POU6F2: variants seen among roughly 807,000 people sequenced by gnomAD.
The protein encoded by POU6F2 is POU class 6 homeobox 2.
In POU6F2, 31 loss-of-function variants were observed where a neutral mutation model predicts 71.3. That is an observed-to-expected ratio of 0.43 (90% CI 0.33 to 0.59). The LOEUF (loss-of-function observed/expected upper bound fraction) is 0.59, where lower values mean the gene tolerates loss of function less well. Among genes scored for constraint, POU6F2 ranks in the 20% least tolerant of loss-of-function variants. The pLI is 0.04. For missense variants in POU6F2, 783 were observed against 856.8 expected (o/e 0.91, Z 1.07); for synonymous variants, 347 against 355.7 (o/e 0.98, Z 0.27).
At chr7:39,043,039 T>C (rs945444695) in intron 1 of POU6F2, among the ~76,000 whole-genome samples, 2 of 151,944 alleles carry the variant, frequency 1.3e-5, no homozygotes, top group Non-Finnish European at 2.9e-5. Flanking sequence ...TCTCTGTAAG[T>C]TGGATCCCAG....
intron 4 of POU6F2, among the ~76,000 whole-genome samples, chr7:39,237,505 C>T (rs905658059): frequency 3.3e-5 from 5 of 152,150 alleles, no homozygotes; most frequent in African/African-American, 4.8e-5. Flanking sequence ...CTAACAATTA[C>T]GTGTTCGCTG....
chr7:39,434,208 C>G (rs1444776485), intron 7 of POU6F2, among the ~76,000 whole-genome samples: 1 of 152,062 alleles, frequency 6.6e-6, no homozygotes, highest in Non-Finnish European at 1.5e-5. Flanking sequence ...GAGGGAACAG[C>G]AGGCACAAAG....
chr7:39,425,795 C>T (rs1175372309), intron 6 of POU6F2, among the ~76,000 whole-genome samples: 2 of 152,136 alleles, frequency 1.3e-5, no homozygotes, highest in Admixed American at 6.6e-5. Context: ...TCCTGATGCT[C>T]ATTATGACTC....
chr7:39,017,764 T>C (rs1050462395), intron 1 of POU6F2, among the ~76,000 whole-genome samples: 7 of 151,970 alleles, frequency 4.6e-5, no homozygotes, highest in Non-Finnish European at 1.0e-4. Flanking sequence ...GACTCCTTTA[T>C]ATAAAACATT....
At chr7:39,141,019 G>A (rs918310770) in intron 2 of POU6F2, among the ~76,000 whole-genome samples, 1 of 152,080 alleles carries the variant, frequency 6.6e-6, no homozygotes, top group African/African-American at 2.4e-5. Flanking sequence ...GCAGCTTGTG[G>A]CCAGTCTTAA....
chr7:39,058,618 A>G (rs1790585761), intron 1 of POU6F2, among the ~76,000 whole-genome samples: 2 of 152,224 alleles, frequency 1.3e-5, no homozygotes, highest in Non-Finnish European at 2.9e-5. Context: ...GACATTGGAG[A>G]TGAAGAATCT....
chr7:39,209,605 G>T (rs550712042), intron 4 of POU6F2, among the ~76,000 whole-genome samples: 7 of 152,126 alleles, frequency 4.6e-5, no homozygotes, highest in Non-Finnish European at 2.9e-5. Context: ...GAAGTTCAAG[G>T]GCAATAAGGA....
intron 2 of POU6F2, among the ~76,000 whole-genome samples, chr7:39,091,147 A>G (rs1463044289): frequency 6.6e-6 from 1 of 152,208 alleles, no homozygotes; most frequent in Non-Finnish European, 1.5e-5. Flanking sequence ...TTCATTTGTA[A>G]GCTTTGAAAT....
chr7:39,256,224 A>G lies in POU6F2; in HGVS notation c.598+48604A>G, dbSNP rs560961401. Among the ~76,000 whole-genome samples the G allele has an allele frequency of 2.7e-3, 413 of 151,656 alleles. 2 individuals are homozygous for G. The highest frequency in any genetic ancestry group is 9.2e-3 in the African/African-American group (382 of 41,312). On this transcript the variant is annotated intron_variant, in intron 4 of 9. Coordinates refer to ENST00000518318, the MANE Select transcript of POU6F2 (RefSeq NM_001370959.1). ...TATATGTATGCATCTACTTCCTTTC[A>G]TAAAGCATGTGACCTTGCACACAGC...
intron 2 of POU6F2, among the ~76,000 whole-genome samples, chr7:39,133,903 C>G (rs117310604): frequency 0.037 from 5,604 of 152,226 alleles, 146 homozygotes; most frequent in Admixed American, 0.091. Context: ...TTTAGACCGT[C>G]TCGCCCCATT....
chr7:39,461,332 A>G (rs1246237164), intron 9 of POU6F2, among the ~76,000 whole-genome samples: 2 of 152,222 alleles, frequency 1.3e-5, no homozygotes, highest in African/African-American at 4.8e-5. Flanking sequence ...AATTAAATAA[A>G]TGAATAACAG....
At chr7:39,421,273 T>C (rs1787845012) in intron 6 of POU6F2, among the ~76,000 whole-genome samples, 1 of 152,142 alleles carries the variant, frequency 6.6e-6, no homozygotes, top group Non-Finnish European at 1.5e-5. Flanking sequence ...AAAAGTAATA[T>C]ATGTTTGAGT....
At chr7:38,998,412 G>A (rs115454211) in intron 1 of POU6F2, among the ~76,000 whole-genome samples, 113 of 152,252 alleles carry the variant, frequency 7.4e-4, no homozygotes, top group African/African-American at 2.6e-3. Flanking sequence ...AGGTCCCAAT[G>A]AAAGGAGTTT....
chr7:39,353,416 T>A, intron 5 of POU6F2, among the ~76,000 whole-genome samples: 1 of 152,218 alleles, frequency 6.6e-6, no homozygotes, highest in East Asian at 1.9e-4. Context: ...GAACGACAAA[T>A]CCTCATAGTC....
Position 39,451,178 on chromosome 7 carries a change from A to T in POU6F2, c.1321-355A>T, listed in dbSNP as rs372947326. On this transcript the variant is annotated intron_variant, in intron 7 of 9. Transcript: ENST00000518318. Reference sequence around the variant, plus strand: ...ATCTGAGTTGATGGTGTTATATTTTATCTATACTTACTTGAGAAGCCTGTC... The same window carrying T: ...ATCTGAGTTGATGGTGTTATATTTTTTCTATACTTACTTGAGAAGCCTGTC... 4.1e-3 allele frequency among the ~76,000 whole-genome samples: 620 copies of T among 152,260 alleles called. 2 individuals carry two copies. Among genetic ancestry groups the T allele is most frequent in the African/African-American group, 0.014 (570 of 41,536 alleles).
chr7:39,075,144 G>C (rs1790972848), intron 1 of POU6F2, among the ~76,000 whole-genome samples: 1 of 152,184 alleles, frequency 6.6e-6, no homozygotes, highest in Non-Finnish European at 1.5e-5. Context: ...TTTGGAGCTA[G>C]ACCAGGAAGC....
intron 4 of POU6F2, among the ~76,000 whole-genome samples, chr7:39,212,669 A>G (rs1368573350): frequency 6.6e-6 from 1 of 152,092 alleles, no homozygotes; most frequent in Non-Finnish European, 1.5e-5. Flanking sequence ...GTGAAATAAG[A>G]CGAATAATAG....
intron 2 of POU6F2, among the ~76,000 whole-genome samples, chr7:39,128,083 C>T (rs554797210): frequency 4.0e-5 from 6 of 151,876 alleles, no homozygotes; most frequent in South Asian, 2.1e-4. Flanking sequence ...CCTCGTGATC[C>T]GCCCACCTCG....
chr7:39,309,847 T>G (rs2128766732), intron 4 of POU6F2, among the ~76,000 whole-genome samples: 1 of 152,298 alleles, frequency 6.6e-6, no homozygotes, highest in South Asian at 2.1e-4. Context: ...ATTGTGGCCT[T>G]TTAAACCTTT....
Sources: gnomAD v4.1 joint callset for allele counts (sites outside exome capture counted in the v4.1 genomes callset) on GRCh38, gnomAD v4.1.1 for gene constraint, MANE v1.5 for transcripts, NCBI Gene and HGNC (gene_info 2026-07-23, HGNC 2026-07-21) for gene names.